KLHL32: variants seen among roughly 807,000 people sequenced by gnomAD.
KLHL32 encodes kelch like family member 32, also known as kelch-like protein 32.
Under a neutral mutation model 64.8 loss-of-function variants are expected in KLHL32, and 35 were observed. The ratio of observed to expected loss-of-function variants is 0.54; its 90% CI spans 0.41 to 0.72. KLHL32 has a LOEUF of 0.72. Ranked by LOEUF, KLHL32 falls within the 30% of genes least tolerant of loss-of-function variation. The probability of loss-of-function intolerance (pLI) is 0.00; values close to 1 mark genes in which losing one functional copy is unlikely to be tolerated. For synonymous variants in KLHL32, 259 were observed against 281.0 expected (o/e 0.92, Z 0.78); for missense variants, 589 against 768.5 (o/e 0.77, Z 2.76).
chr6:97,011,337 G>A (rs1780380211), intron 3 of KLHL32, among the ~76,000 whole-genome samples: 1 of 152,176 alleles, frequency 6.6e-6, no homozygotes, highest in South Asian at 2.1e-4. Flanking sequence ...AAGAAGCTTT[G>A]TGATAAATCA....
chr6:97,034,784 T>G (rs1318438926), intron 3 of KLHL32, among the ~76,000 whole-genome samples: 1 of 152,036 alleles, frequency 6.6e-6, no homozygotes, highest in African/African-American at 2.4e-5. Flanking sequence ...TTTCTTAAAT[T>G]TCTTTTTGAT....
chr6:96,926,853 G>GT (rs1269117803), intron 1 of KLHL32, among the ~76,000 whole-genome samples: 1 of 152,116 alleles, frequency 6.6e-6, no homozygotes, highest in Non-Finnish European at 1.5e-5. Context: ...TTTAAAAACT[G>GT]TAAGGACCAC....
At chr6:97,121,616 A>T (rs1177306771) in intron 7 of KLHL32, among the ~76,000 whole-genome samples, 1 of 152,188 alleles carries the variant, frequency 6.6e-6, no homozygotes, top group African/African-American at 2.4e-5. Flanking sequence ...GGCCTTTAAA[A>T]TTGGTGTTGT....
At chr6:97,135,897 TAAAG>T (rs986458284) in intron 10 of KLHL32, among the ~76,000 whole-genome samples, 1 of 152,130 alleles carries the variant, frequency 6.6e-6, no homozygotes, top group African/African-American at 2.4e-5. Flanking sequence ...CTTTACTACT[TAAAG>T]AACATCCAAC....
At chr6:97,011,895 C>A (rs1780454537) in intron 3 of KLHL32, among the ~76,000 whole-genome samples, 1 of 152,192 alleles carries the variant, frequency 6.6e-6, no homozygotes, top group Non-Finnish European at 1.5e-5. Context: ...TGTTTGCTAA[C>A]CTCAGTCCTA....
At chr6:97,043,688 C>A (rs879866261) in intron 4 of KLHL32, among the ~76,000 whole-genome samples, 3 of 152,090 alleles carry the variant, frequency 2.0e-5, no homozygotes, top group Non-Finnish European at 4.4e-5. Context: ...TAACAGTGCA[C>A]AAAGGTTTTT....
intron 3 of KLHL32, among the ~76,000 whole-genome samples, chr6:96,988,969 G>C (rs1777499729): frequency 6.6e-6 from 1 of 152,020 alleles, no homozygotes; most frequent in South Asian, 2.1e-4. Flanking sequence ...TTGGGGGAGG[G>C]AGGAGGGATA....
chr6:96,912,279 C>T, the KLHL32 span, among the ~76,000 whole-genome samples: 1 of 152,136 alleles, frequency 6.6e-6, no homozygotes, highest in Non-Finnish European at 1.5e-5. Flanking sequence ...TGCTGCCATA[C>T]GGAGGCTGCA....
chr6:97,009,273 T>A (rs551703756), intron 3 of KLHL32, among the ~76,000 whole-genome samples: 1 of 152,160 alleles, frequency 6.6e-6, no homozygotes, highest in Admixed American at 6.5e-5. Context: ...ACAGTATTTT[T>A]AAGGCTATTC....
the KLHL32 span, among the ~76,000 whole-genome samples, chr6:96,918,428 G>A: frequency 6.6e-6 from 1 of 152,178 alleles, no homozygotes; most frequent in Non-Finnish European, 1.5e-5. Flanking sequence ...TGAATGAATG[G>A]ATGATTTTAG....
At chr6:96,914,297 C>T in the KLHL32 span, among the ~76,000 whole-genome samples, 1 of 151,958 alleles carries the variant, frequency 6.6e-6, no homozygotes, top group East Asian at 1.9e-4. Context: ...AGCCTCTGTA[C>T]TTGAGATAAT....
intron 1 of KLHL32, among the ~76,000 whole-genome samples, chr6:96,961,567 G>A (rs1402547592): frequency 6.6e-6 from 1 of 152,112 alleles, no homozygotes; most frequent in Non-Finnish European, 1.5e-5. Context: ...AAAAAGAAAA[G>A]ACTTTATTCA....
chr6:96,923,330 T>C (rs572083820), upstream of KLHL32, among the ~76,000 whole-genome samples: 5 of 152,330 alleles, frequency 3.3e-5, no homozygotes, highest in South Asian at 1.0e-3. Context: ...GACGCTTTCA[T>C]ATTCGATTTT....
rs116461268 is a variant in KLHL32 at position 97,090,659 on chromosome 6, A to G, written c.627+5318A>G. 4.8e-3 allele frequency among the ~76,000 whole-genome samples: 729 copies of G among 152,392 alleles called. 4 individuals carry two copies. Among genetic ancestry groups the G allele is most frequent in the African/African-American group, 0.016 (680 of 41,594 alleles). On this transcript the variant is annotated intron_variant, in intron 6 of 10. Transcript: ENST00000369261. ...AGAAGCAAGGAATTTAAATAGTACTAGATGTCAAACAATACTATTAAAATA... is the reference window on the plus strand; with the variant it reads ...AGAAGCAAGGAATTTAAATAGTACTGGATGTCAAACAATACTATTAAAATA...
chr6:97,076,695 G>A (rs17057359), intron 5 of KLHL32, among the ~76,000 whole-genome samples: 6,157 of 152,214 alleles, frequency 0.04, 167 homozygotes, highest in African/African-American at 0.077. Context: ...AGATGGCAAT[G>A]CACCTCATGG....
At chr6:96,961,827 A>G (rs1773915818) in intron 1 of KLHL32, among the ~76,000 whole-genome samples, 1 of 152,170 alleles carries the variant, frequency 6.6e-6, no homozygotes, top group African/African-American at 2.4e-5. Flanking sequence ...TGGCTCTCTG[A>G]TATCAAAAAG....
intron 3 of KLHL32, among the ~76,000 whole-genome samples, chr6:97,028,441 A>G (rs1230412101): frequency 1.3e-5 from 2 of 152,200 alleles, no homozygotes; most frequent in East Asian, 1.9e-4. Context: ...AATTCCTATC[A>G]TATTTTCCTC....
chr6:97,083,473 G>A (rs1326698604), intron 5 of KLHL32, among the ~76,000 whole-genome samples: 1 of 152,106 alleles, frequency 6.6e-6, no homozygotes, highest in African/African-American at 2.4e-5. Context: ...TGTCAAGCTG[G>A]ATTTGAGCCG....
At chr6:97,061,862 T>G (rs542365411) in intron 4 of KLHL32, among the ~76,000 whole-genome samples, 1 of 152,252 alleles carries the variant, frequency 6.6e-6, no homozygotes, top group East Asian at 1.9e-4. Flanking sequence ...TGGAAAAATA[T>G]ATTCGAACAG....
Sources: gnomAD v4.1 joint callset for allele counts (sites outside exome capture counted in the v4.1 genomes callset) on GRCh38, gnomAD v4.1.1 for gene constraint, MANE v1.5 for transcripts, NCBI Gene and HGNC (gene_info 2026-07-23, HGNC 2026-07-21) for gene names.